Variants in XPA observed in about 807,000 individuals in gnomAD.
The protein encoded by XPA is DNA repair protein complementing XP-A cells.
A neutral mutation model predicts 35.7 loss-of-function variants in XPA; 27 were observed. That is an observed-to-expected ratio of 0.76 (90% CI 0.56 to 1.04). The LOEUF (loss-of-function observed/expected upper bound fraction) is 1.04, where lower values mean the gene tolerates loss of function less well. XPA is among the 50% of genes least tolerant of loss of function. XPA has a pLI of 0.00. For synonymous variants in XPA, 133 were observed against 118.4 expected (o/e 1.12, Z -0.80); for missense variants, 354 against 342.7 (o/e 1.03, Z -0.26).
At chr9:97,684,150 C>T (rs74567578) in intron 5 of XPA, among the ~76,000 whole-genome samples, 3 of 152,264 alleles carry the variant, frequency 2.0e-5, no homozygotes, top group East Asian at 1.9e-4. Context: ...CACACTTGCA[C>T]GATTTTAAGT....
chr9:97,682,948 T>G (rs552056449), intron 5 of XPA, among the ~76,000 whole-genome samples: 4 of 152,206 alleles, frequency 2.6e-5, no homozygotes, highest in Non-Finnish European at 5.9e-5. Flanking sequence ...TTCAATCTGT[T>G]TGTCAAATTA....
At chr9:97,673,657 C>A (rs1170841870), downstream of XPA, 29 of 152,194 alleles carry the variant, frequency 1.9e-4, no homozygotes, top group Admixed American at 1.9e-3. Flanking sequence ...TTCATACAGA[C>A]AAAAGATGGC....
intron 5 of XPA, among the ~76,000 whole-genome samples, chr9:97,678,838 T>C (rs991935409): frequency 2.6e-5 from 4 of 152,118 alleles, no homozygotes; most frequent in Non-Finnish European, 5.9e-5. Context: ...CTGAAATGCA[T>C]ACCCTGCATC....
Position 97,674,915 on chromosome 9 carries a change from T to G in XPA, c.*524A>C. The G allele has an allele frequency of 2.0e-6, 1 of 507,462 alleles. No homozygotes were observed. Among genetic ancestry groups the G allele is most frequent in the Non-Finnish European group, 3.9e-6 (1 of 259,014 alleles). The allele number at this position is 507,462 out of a possible 1,614,324, so 31.4% of individuals were successfully genotyped here. On this transcript the variant is annotated 3_prime_UTR_variant, in exon 6 of 6. Coordinates refer to ENST00000375128, the MANE Select transcript of XPA (RefSeq NM_000380.4). ...AAGAGTACAGAAAACATGATCAGAC[T>G]CGTACAACTCAATGTTTATTTCTGC...
At chr9:97,676,625 C>T (rs1264723875) in intron 5 of XPA, among the ~76,000 whole-genome samples, 1 of 152,118 alleles carries the variant, frequency 6.6e-6, no homozygotes, top group African/African-American at 2.4e-5. Flanking sequence ...AGGATGAAAA[C>T]ACAGGGCTAT....
the XPA span, chr9:97,664,398 T>C: frequency 2.5e-6 from 4 of 1,612,964 alleles, no homozygotes; most frequent in Admixed American, 3.3e-5. Context: ...TGTGCTGCCG[T>C]AGCAAATTGG....
At chr9:97,664,927 A>G in the XPA span, among the ~76,000 whole-genome samples, 1 of 152,208 alleles carries the variant, frequency 6.6e-6, no homozygotes, top group African/African-American at 2.4e-5. Flanking sequence ...TTCTCACCAC[A>G]GTCATAATCT....
At chr9:97,696,773 G>C (rs1053015341) in intron 1 of XPA, among the ~76,000 whole-genome samples, 1 of 152,106 alleles carries the variant, frequency 6.6e-6, no homozygotes, top group African/African-American at 2.4e-5. Flanking sequence ...CCTCTTTCCG[G>C]GACAGCTGAG....
chr9:97,669,658 A>C, the XPA span: 2 of 1,612,728 alleles, frequency 1.2e-6, no homozygotes, highest in Non-Finnish European at 1.7e-6. Context: ...GTGTATTAAC[A>C]CCATGGTATA....
intron 5 of XPA, among the ~76,000 whole-genome samples, chr9:97,679,174 C>T (rs1470638113): frequency 1.3e-5 from 2 of 152,182 alleles, no homozygotes; most frequent in East Asian, 3.9e-4. Flanking sequence ...AAATATATCC[C>T]TATTAGGAAA....
Position 97,687,447 on chromosome 9 carries a change from T to C in XPA, c.390-186A>G, listed in dbSNP as rs565854538. ...AAAATACTTTATCTTTTACTTATTC[T>C]GGTAAGTTACATTATCTAGAGAAAA... On this transcript the variant is annotated intron_variant, in intron 3 of 5. Transcript: ENST00000375128. Among the ~76,000 whole-genome samples, 4 of 152,336 alleles carry C rather than the reference T, an allele frequency of 2.6e-5. No homozygotes were observed. In the East Asian group the frequency reaches 7.7e-4, roughly 29 times the overall value.
intron 3 of XPA, among the ~76,000 whole-genome samples, 188 bp downstream of exon 3, chr9:97,689,346 A>G (rs933108821): frequency 5.9e-5 from 9 of 152,246 alleles, no homozygotes; most frequent in African/African-American, 2.2e-4. Flanking sequence ...TTTATGGGGT[A>G]TATCATAAGC....
At chr9:97,662,253 G>T in the XPA span, 6 of 774,802 alleles carry the variant, frequency 7.7e-6, no homozygotes, top group Non-Finnish European at 1.3e-5. Flanking sequence ...TCTTAATAGT[G>T]TATAATTGGA....
chr9:97,689,795 ATT>A (rs1235387473), intron 2 of XPA, among the ~76,000 whole-genome samples, 156 bp from the exon 3 acceptor site: 22 of 152,116 alleles, frequency 1.4e-4, no homozygotes, highest in African/African-American at 5.3e-4. Context: ...AAAAAAAAAA[ATT>A]AAAGAGGAAA....
the XPA span, chr9:97,656,189 C>A: frequency 1.1e-6 from 1 of 930,624 alleles, no homozygotes. Context: ...AATCCACTTA[C>A]TCATCTTCCA....
the XPA span, among the ~76,000 whole-genome samples, chr9:97,667,505 GAT>G: frequency 2.0e-5 from 3 of 152,126 alleles, no homozygotes; most frequent in Non-Finnish European, 4.4e-5. Flanking sequence ...TACATATATG[GAT>G]ATAAACACTC....
the XPA span, chr9:97,661,945 G>C: frequency 3.9e-6 from 3 of 762,694 alleles, no homozygotes; most frequent in Non-Finnish European, 6.6e-6. Context: ...AAATATCTGT[G>C]TATAGATGTG....
the XPA span, among the ~76,000 whole-genome samples, chr9:97,660,324 T>C: frequency 6.6e-6 from 1 of 152,196 alleles, no homozygotes; most frequent in Admixed American, 6.6e-5. Context: ...TGGTGATGCC[T>C]TACGGTGTAT....
At chr9:97,655,395 T>A in the XPA span, among the ~76,000 whole-genome samples, 31 of 147,714 alleles carry the variant, frequency 2.1e-4, no homozygotes, top group Non-Finnish European at 2.8e-4. Flanking sequence ...TTTCATAAAA[T>A]TTTTTTTTTT....
Sources: allele counts gnomAD v4.1 joint callset (sites outside exome capture counted in the v4.1 genomes callset), GRCh38; gene constraint gnomAD v4.1.1; transcripts MANE v1.5; gene names NCBI Gene and HGNC (gene_info 2026-07-23, HGNC 2026-07-21).